ZDHHC11B: variants seen among roughly 807,000 people sequenced by gnomAD.
The protein encoded by ZDHHC11B is probable palmitoyltransferase ZDHHC11B.
In ZDHHC11B, 17 loss-of-function variants were observed where a neutral mutation model predicts 42.3. The observed-to-expected ratio is 0.40, with a 90% CI of 0.27 to 0.60. The LOEUF is 0.60. Among genes scored for constraint, ZDHHC11B ranks in the 20% least tolerant of loss-of-function variants. The pLI is 0.41. For missense variants in ZDHHC11B, 262 were observed against 463.2 expected, an observed-to-expected ratio of 0.57 and a Z score of 3.99; for synonymous variants, 123 against 193.5, an observed-to-expected ratio of 0.64 and a Z score of 3.02.
At chr5:751,475 G>GC (rs1745713445) in intron 6 of ZDHHC11B, among the ~76,000 whole-genome samples, 3 of 35,182 alleles carry the variant, frequency 8.5e-5, no homozygotes, top group African/African-American at 1.4e-4. Flanking sequence ...AGGCAGGGGC[G>GC]GGGGCATGCA....
At chr5:771,212 T>C (rs1462037557) in intron 1 of ZDHHC11B, among the ~76,000 whole-genome samples, 2 of 151,846 alleles carry the variant, frequency 1.3e-5, no homozygotes, top group Non-Finnish European at 2.9e-5. Context: ...GCGCCAGTCA[T>C]GGCCAAAGTG....
chr5:780,653 T>A (rs1212665560), intron 1 of ZDHHC11B, among the ~76,000 whole-genome samples: 1 of 138,254 alleles, frequency 7.2e-6, no homozygotes, highest in Non-Finnish European at 1.5e-5. Flanking sequence ...GAACTGCAGG[T>A]GGGCTGTGCC....
chr5:724,389 T>G, intron 12 of ZDHHC11B, among the ~76,000 whole-genome samples: 1 of 141,714 alleles, frequency 7.1e-6, no homozygotes. Flanking sequence ...TTTTTTTTTT[T>G]TTTTTTGAGA....
intron 13 of ZDHHC11B, among the ~76,000 whole-genome samples, chr5:715,733 C>T (rs1741700827): frequency 6.6e-6 from 1 of 151,406 alleles, no homozygotes; most frequent in Non-Finnish European, 1.5e-5. Context: ...AAGGTGATGT[C>T]TATTCCCAGT....
chr5:736,204 A>G (rs1273179447), intron 10 of ZDHHC11B, among the ~76,000 whole-genome samples: 46 of 149,912 alleles, frequency 3.1e-4, no homozygotes, highest in African/African-American at 1.1e-3. Flanking sequence ...TAAAGCCACA[A>G]CAGTTAAGAA....
Position 776,307 on chromosome 5 carries a change from G to A in ZDHHC11B, c.-229-7377C>T, listed in dbSNP as rs114523925. 6.3e-3 allele frequency among the ~76,000 whole-genome samples: 963 copies of A among 151,754 alleles called. 9 individuals are homozygous for A. The highest frequency in any genetic ancestry group is 0.027 in the Middle Eastern group (8 of 292). ...CGGCCACAGGTCCCACCTTGGCACCGAAGCCCTGGGATGGCCCCTCTGCAA... is the reference window on the plus strand; with the variant it reads ...CGGCCACAGGTCCCACCTTGGCACCAAAGCCCTGGGATGGCCCCTCTGCAA... On this transcript the variant is annotated intron_variant, in intron 1 of 13. Coordinates refer to ENST00000508859, the MANE Select transcript of ZDHHC11B (RefSeq NM_001351303.2).
chr5:722,225 G>A (rs1212732653), intron 12 of ZDHHC11B, among the ~76,000 whole-genome samples: 4 of 151,886 alleles, frequency 2.6e-5, no homozygotes, highest in Admixed American at 2.0e-4. Flanking sequence ...TGTAATGCAT[G>A]ATCTGGTTTC....
chr5:760,071 G>A (rs1449514284), intron 4 of ZDHHC11B, among the ~76,000 whole-genome samples: 1 of 151,840 alleles, frequency 6.6e-6, no homozygotes, highest in African/African-American at 2.4e-5. Flanking sequence ...GGAGTGGGGG[G>A]TACAGGGGAG....
chr5:714,343 T>C (rs1388575475), intron 13 of ZDHHC11B, among the ~76,000 whole-genome samples: 11 of 143,850 alleles, frequency 7.6e-5, no homozygotes, highest in African/African-American at 3.0e-4. Context: ...CATCCTTTTC[T>C]AGAGATAGGA....
At chr5:761,215 G>A (rs866888926) in intron 4 of ZDHHC11B, among the ~76,000 whole-genome samples, 2 of 151,898 alleles carry the variant, frequency 1.3e-5, no homozygotes, top group African/African-American at 4.8e-5. Context: ...CAATACAGGA[G>A]GACACCCGTG....
At chr5:719,000 T>A (rs1741985802) in intron 12 of ZDHHC11B, among the ~76,000 whole-genome samples, 2 of 151,884 alleles carry the variant, frequency 1.3e-5, no homozygotes, top group African/African-American at 4.9e-5. Flanking sequence ...TTGGAAGATT[T>A]AGAGAGACAC....
At chr5:751,418 C>A (rs1234803654) in intron 6 of ZDHHC11B, among the ~76,000 whole-genome samples, 161 bp from the exon 7 acceptor site, 2 of 39,302 alleles carry the variant, frequency 5.1e-5, no homozygotes, top group East Asian at 1.7e-3. Flanking sequence ...AGGTGTGGGA[C>A]AGGTGTGGGG....
At chr5:726,335 G>A (rs1270967443) in intron 12 of ZDHHC11B, among the ~76,000 whole-genome samples, 6 of 150,636 alleles carry the variant, frequency 4.0e-5, no homozygotes, top group African/African-American at 1.5e-4. Flanking sequence ...GAGTCTATAA[G>A]GTGGACCAGC....
chr5:719,815 C>G (rs1380328107), intron 12 of ZDHHC11B, among the ~76,000 whole-genome samples: 1 of 151,722 alleles, frequency 6.6e-6, no homozygotes, highest in African/African-American at 2.4e-5. Context: ...CTCTGGGCAA[C>G]CACAGTCCAA....
chr5:750,699 A>C (rs55707428), intron 7 of ZDHHC11B, among the ~76,000 whole-genome samples: 1 of 106,950 alleles, frequency 9.4e-6, no homozygotes, highest in South Asian at 4.1e-4. Flanking sequence ...GGGCCTCAGC[A>C]CACCGCAGCC....
rs1197173842 is a variant in ZDHHC11B at position 742,587 on chromosome 5, T to TAAGCAG, written c.901-965_901-960dup. Among the ~76,000 whole-genome samples, 95 of 148,680 alleles carry TAAGCAG rather than the reference T, an allele frequency of 6.4e-4. 5 individuals are homozygous for TAAGCAG. Among genetic ancestry groups the TAAGCAG allele is most frequent in the African/African-American group, 2.1e-3 (84 of 40,546 alleles). ...TGTGTGCTCACTTCAAGCGTCTGTGTAAGCAGCTTTTAGCAGTAAAGCACT... is the reference window on the plus strand; with the variant it reads ...TGTGTGCTCACTTCAAGCGTCTGTGTAAGCAGAAGCAGCTTTTAGCAGTAAAGCACT... On this transcript the variant is annotated intron_variant, in intron 9 of 13. Coordinates refer to ENST00000508859, the MANE Select transcript of ZDHHC11B (RefSeq NM_001351303.2).
chr5:766,343 C>G (rs1735366814), intron 4 of ZDHHC11B, among the ~76,000 whole-genome samples: 1 of 151,900 alleles, frequency 6.6e-6, no homozygotes, highest in African/African-American at 2.4e-5. Context: ...GGTCCCCCAC[C>G]TGCTGGGAGA....
chr5:771,462 ATGGGGGCAGGACCGCG>A (rs1736032875), intron 1 of ZDHHC11B, among the ~76,000 whole-genome samples: 10 of 93,658 alleles, frequency 1.1e-4, no homozygotes, highest in Admixed American at 2.7e-4. Flanking sequence ...GCAGGGTCTC[ATGGGGGCAGGACCGCG>A]TGGGGGCAGG....
At chr5:722,020 G>A (rs1385757808) in intron 12 of ZDHHC11B, among the ~76,000 whole-genome samples, 1 of 151,630 alleles carries the variant, frequency 6.6e-6, no homozygotes, top group East Asian at 1.9e-4. Context: ...ATCCATAGAG[G>A]GAAGAATGAA....
Sources: gnomAD v4.1 joint callset for allele counts (sites outside exome capture counted in the v4.1 genomes callset) on GRCh38, gnomAD v4.1.1 for gene constraint, MANE v1.5 for transcripts, NCBI Gene and HGNC (gene_info 2026-07-23, HGNC 2026-07-21) for gene names.